MDH2: variants seen among roughly 807,000 people sequenced by gnomAD.
MDH2 encodes malate dehydrogenase 2, also known as malate dehydrogenase, mitochondrial.
MDH2 carries 25 observed loss-of-function variants against 33.6 expected under a neutral mutation model. That is an observed-to-expected ratio of 0.74 (90% confidence interval 0.54 to 1.04). The LOEUF (loss-of-function observed/expected upper bound fraction) is 1.04. Among genes scored for constraint, MDH2 ranks in the 50% least tolerant of loss-of-function variants. MDH2 has a pLI of 0.00. For missense variants in MDH2, 432 were observed against 445.0 expected (o/e 0.97, Z 0.26); for synonymous variants, 193 against 188.7 (o/e 1.02, Z -0.19).
chr7:76,062,319 T>C (rs1797978573), intron 5 of MDH2, among the ~76,000 whole-genome samples: 1 of 151,932 alleles, frequency 6.6e-6, no homozygotes, highest in South Asian at 2.1e-4. Context: ...TTTCTAGGAG[T>C]CTTGTATTTG....
At chr7:76,063,238 G>A (rs782275994) in intron 5 of MDH2, among the ~76,000 whole-genome samples, 3 of 152,208 alleles carry the variant, frequency 2.0e-5, no homozygotes, top group Middle Eastern at 3.2e-3. Flanking sequence ...CCCATCCACA[G>A]TGGGCACAAA....
rs1797916143 is a variant in MDH2, at chr7:76,060,494, T to C, written c.551T>C (p.Leu184Pro). Residue 184 changes from leucine to proline, a missense_variant, in exon 5 of 9, where the codon CTG becomes CCG. Coordinates refer to ENST00000315758, the MANE Select transcript of MDH2 (RefSeq NM_005918.4). ...AGAGCCAACACCTTTGTTGCAGAGCTGAAGGTAAGGGCGGCGTGGGTGTTG... is the reference window on the plus strand; with the variant it reads ...AGAGCCAACACCTTTGTTGCAGAGCCGAAGGTAAGGGCGGCGTGGGTGTTG... The part of the protein sequence containing the change: ...IVRANTFVAE[L>P]KGLDPARVNV... The C allele has an allele frequency of 6.2e-7, 1 of 1,614,012 alleles. No homozygotes were observed. Among genetic ancestry groups the C allele is most frequent in the Non-Finnish European group, 8.5e-7 (1 of 1,180,010 alleles).
intron 5 of MDH2, 80 bp downstream of exon 5, chr7:76,060,578 C>A: frequency 6.4e-7 from 1 of 1,564,312 alleles, no homozygotes; most frequent in South Asian, 1.2e-5. Context: ...GCGTGGAAGA[C>A]ATGAAGGCAT....
intron 1 of MDH2, 88 bp from the exon 2 acceptor site, chr7:76,054,742 G>A (rs1281911488): frequency 8.2e-6 from 12 of 1,471,464 alleles, no homozygotes; most frequent in African/African-American, 2.8e-5. Context: ...GCAGTAAAAA[G>A]AGGCCCAGTG....
chr7:76,066,100 C>T (rs957897871), intron 8 of MDH2, among the ~76,000 whole-genome samples, 179 bp from the exon 9 acceptor site: 7 of 152,086 alleles, frequency 4.6e-5, no homozygotes, highest in Non-Finnish European at 5.9e-5. Flanking sequence ...CTCTGAGCCT[C>T]GCACTCCTGA....
Position 76,060,272 on chromosome 7 carries a change from T to TA in MDH2, c.430-100dup, listed in dbSNP as rs1221368322. ...TTTAATGTGGCATCTTTGGACTAGT[T>TA]AGACCTTTGGGAAGGTCTGACAAAA... On this transcript the variant is annotated intron_variant, in intron 4 of 8. Coordinates refer to ENST00000315758, the MANE Select transcript of MDH2 (RefSeq NM_005918.4). The TA allele has an allele frequency of 6.8e-6, 10 of 1,475,132 alleles. No homozygotes were observed. In the East Asian group the frequency reaches 2.1e-4, roughly 31 times the overall value. The allele number at this position is 1,475,132 out of a possible 1,614,324, so 91.4% of individuals were successfully genotyped here.
chr7:76,063,605 G>A lies in MDH2; in HGVS notation c.633+13G>A, dbSNP rs782009167. ...CCTGATCTCTCAGGTACACGCATAT[G>A]ACCCTGTGAGGGGCTTCGAGGTCAG... is the stretch of plus-strand genomic sequence containing the variant. On this transcript the variant is annotated intron_variant, in intron 6 of 8. Coordinates refer to ENST00000315758, the MANE Select transcript of MDH2 (RefSeq NM_005918.4). The A allele has an allele frequency of 1.2e-6, 2 of 1,612,714 alleles. No homozygotes were observed. Among genetic ancestry groups the A allele is most frequent in the African/African-American group, 2.7e-5 (2 of 75,040 alleles).
At chr7:76,049,326 G>T (rs3757594) in intron 1 of MDH2, among the ~76,000 whole-genome samples, 1 of 151,912 alleles carries the variant, frequency 6.6e-6, no homozygotes, top group African/African-American at 2.4e-5. Context: ...CTTTTGCGCT[G>T]CGGTGAAGTG....
intron 1 of MDH2, chr7:76,048,866 A>G (rs1797449181): frequency 8.6e-7 from 1 of 1,164,818 alleles, no homozygotes; most frequent in Admixed American, 4.6e-5. Context: ...CTAGGAGCCT[A>G]GGCTATTTTT....
chr7:76,065,163 C>T, intron 8 of MDH2: 1 of 536,630 alleles, frequency 1.9e-6, no homozygotes, highest in Non-Finnish European at 3.3e-6. Context: ...AAGTGGGTCT[C>T]CTTCCCTGCA....
intron 5 of MDH2, among the ~76,000 whole-genome samples, chr7:76,062,643 A>G (rs566646645): frequency 1.3e-5 from 2 of 152,370 alleles, no homozygotes; most frequent in African/African-American, 4.8e-5. Context: ...AGCCGGGCGC[A>G]GTGGTGCATG....
In MDH2 at chr7:76,064,998, C is replaced by T. The variant is rs782354295; in HGVS notation, c.885+45C>T. On this transcript the variant is annotated intron_variant, in intron 8 of 8. Transcript: ENST00000315758. ...TCCTTCTGACTGTGGAATAAGGGGGCGTTCCCTTTGCTTAAGCCTCAGGAG... is the reference window on the plus strand; with the variant it reads ...TCCTTCTGACTGTGGAATAAGGGGGTGTTCCCTTTGCTTAAGCCTCAGGAG... 10 of 1,604,004 alleles carry T rather than the reference C, an allele frequency of 6.2e-6. 1 individual carries two copies. The South Asian group carries it at 1.1e-4, about 18-fold the overall frequency.
At chr7:76,059,508 G>A in intron 4 of MDH2, among the ~76,000 whole-genome samples, 1 of 152,214 alleles carries the variant, frequency 6.6e-6, no homozygotes, top group Non-Finnish European at 1.5e-5. Flanking sequence ...GTTGAGTGCT[G>A]CGTCCTCACT....
Position 76,055,022 on chromosome 7 carries a change from G to A in MDH2, c.235+24G>A, listed in dbSNP as rs782462370. ...AGGTACTGGGCGCGCTGACCCTGGA[G>A]ACTTGCTTCCTGTCCCCAGTAGGCC... On this transcript the variant is annotated intron_variant, in intron 2 of 8. Transcript: ENST00000315758. 4 of 1,587,048 alleles carry A rather than the reference G, an allele frequency of 2.5e-6. No homozygotes were observed. The African/African-American group carries it at 5.4e-5, about 21-fold the overall frequency.
At chr7:76,053,679 G>T (rs1797685082) in intron 1 of MDH2, among the ~76,000 whole-genome samples, 1 of 152,138 alleles carries the variant, frequency 6.6e-6, no homozygotes, top group South Asian at 2.1e-4. Flanking sequence ...GGCCCCAGAT[G>T]ACCACACACG....
chr7:76,064,507 A>C, intron 7 of MDH2, 69 bp downstream of exon 7: 1 of 1,321,626 alleles, frequency 7.6e-7, no homozygotes, highest in Non-Finnish European at 1.1e-6. Flanking sequence ...TTGGGGAGAA[A>C]TGCTGCTTGT....
rs782450713 is a variant in MDH2 at position 76,060,348 on chromosome 7, C to T, written c.430-25C>T. 2.1e-5 allele frequency: 34 copies of T among 1,612,748 alleles called. No homozygotes were observed. The East Asian group carries it at 7.6e-4, about 36-fold the overall frequency. On this transcript the variant is annotated intron_variant, in intron 4 of 8. Coordinates refer to ENST00000315758, the MANE Select transcript of MDH2 (RefSeq NM_005918.4). ...CCTGCTCTCGGAACCCAGGGCAAGCCATGCCTGTCTGTTGGATGTCCTAGG... is the reference window on the plus strand; with the variant it reads ...CCTGCTCTCGGAACCCAGGGCAAGCTATGCCTGTCTGTTGGATGTCCTAGG...
intron 1 of MDH2, among the ~76,000 whole-genome samples, chr7:76,049,527 A>C (rs1797533467): frequency 6.6e-6 from 1 of 151,982 alleles, no homozygotes; most frequent in African/African-American, 2.4e-5. Context: ...GGAGGCGATG[A>C]AGGTCTTAGG....
At chr7:76,048,381 G>C in intron 1 of MDH2, 155 bp downstream of exon 1, 1 of 1,220,618 alleles carries the variant, frequency 8.2e-7, no homozygotes, top group African/African-American at 1.6e-5. Context: ...GGCAGGCCCT[G>C]ACACTGGCCT....
Sources: gnomAD v4.1 joint callset for allele counts (sites outside exome capture counted in the v4.1 genomes callset) on GRCh38, gnomAD v4.1.1 for gene constraint, MANE v1.5 for transcripts, NCBI Gene and HGNC (gene_info 2026-07-23, HGNC 2026-07-21) for gene names.